The following DPP10 variants were observed in gnomAD, a reference collection of about 807,000 sequenced individuals.
DPP10 encodes dipeptidyl peptidase like 10.
A neutral mutation model predicts 120.9 loss-of-function variants in DPP10; 33 were observed. The ratio of observed to expected loss-of-function variants is 0.27; its 90% confidence interval spans 0.21 to 0.37. DPP10 has a LOEUF of 0.37. Ranked by LOEUF, DPP10 falls within the 10% of genes least tolerant of loss-of-function variation. The pLI is 1.00. For missense variants in DPP10, 816 were observed against 942.8 expected (o/e 0.87, Z 1.76); for synonymous variants, 337 against 326.1 (o/e 1.03, Z -0.36).
intron 4 of DPP10, among the ~76,000 whole-genome samples, chr2:115,524,279 T>C (rs906452618): frequency 2.6e-5 from 4 of 152,146 alleles, no homozygotes; most frequent in African/African-American, 9.7e-5. Flanking sequence ...TGGCTACAAA[T>C]GTGAGGGTTC....
intron 1 of DPP10, among the ~76,000 whole-genome samples, chr2:114,450,657 A>G (rs1213702615): frequency 6.6e-6 from 1 of 152,134 alleles, no homozygotes; most frequent in African/African-American, 2.4e-5. Flanking sequence ...ATTTGAAGGA[A>G]ATAACAAGGT....
chr2:115,165,113 A>T (rs1314848333), intron 1 of DPP10, among the ~76,000 whole-genome samples: 2 of 152,218 alleles, frequency 1.3e-5, no homozygotes, highest in Non-Finnish European at 1.5e-5. Context: ...CTAGTGGCTA[A>T]TTGTAATTTA....
chr2:114,601,848 G>A (rs1402040919), intron 1 of DPP10, among the ~76,000 whole-genome samples: 1 of 151,926 alleles, frequency 6.6e-6, no homozygotes, highest in Non-Finnish European at 1.5e-5. Context: ...TGCCACTAAT[G>A]CAGACCTTAA....
chr2:115,241,562 T>G (rs1037858858), intron 1 of DPP10, among the ~76,000 whole-genome samples: 2 of 152,142 alleles, frequency 1.3e-5, no homozygotes, highest in African/African-American at 4.8e-5. Context: ...AGCATATTGC[T>G]CTCTCTCTCC....
At chr2:114,877,219 A>G (rs1427539826) in intron 1 of DPP10, among the ~76,000 whole-genome samples, 1 of 152,072 alleles carries the variant, frequency 6.6e-6, no homozygotes, top group African/African-American at 2.4e-5. Flanking sequence ...TGATGTGTGC[A>G]TATTCTAAAT....
chr2:114,838,697 G>A (rs1477004184), intron 1 of DPP10, among the ~76,000 whole-genome samples: 1 of 152,160 alleles, frequency 6.6e-6, no homozygotes, highest in Non-Finnish European at 1.5e-5. Flanking sequence ...AATATGCCCT[G>A]TGTTAGTCCA....
chr2:114,896,103 T>C (rs1692950877), intron 1 of DPP10, among the ~76,000 whole-genome samples: 1 of 152,234 alleles, frequency 6.6e-6, no homozygotes. Context: ...ATCTCTGTTT[T>C]GGTAACAGTA....
intron 1 of DPP10, among the ~76,000 whole-genome samples, chr2:114,561,571 T>C (rs890048999): frequency 2.0e-5 from 3 of 152,160 alleles, no homozygotes; most frequent in African/African-American, 2.4e-5. Flanking sequence ...CTTCTCTCAC[T>C]ATTAGAAAGA....
At chr2:115,738,468 T>C (rs1447488747) in intron 8 of DPP10, among the ~76,000 whole-genome samples, 1 of 152,174 alleles carries the variant, frequency 6.6e-6, no homozygotes, top group Non-Finnish European at 1.5e-5. Context: ...CTAGAGATGC[T>C]GTGTGGAGCC....
At chr2:115,308,833 G>A (rs1574373244) in intron 1 of DPP10, among the ~76,000 whole-genome samples, 1 of 151,848 alleles carries the variant, frequency 6.6e-6, no homozygotes, top group East Asian at 1.9e-4. Flanking sequence ...CATCCAGTTA[G>A]AAAGTAGCCC....
intron 1 of DPP10, among the ~76,000 whole-genome samples, chr2:114,970,820 A>T (rs1426892986): frequency 1.3e-5 from 2 of 152,156 alleles, no homozygotes; most frequent in Non-Finnish European, 2.9e-5. Flanking sequence ...GTGATTCAAC[A>T]CTTTAAGACA....
At chr2:115,813,822 G>A (rs926315027) in intron 19 of DPP10, among the ~76,000 whole-genome samples, 3 of 152,164 alleles carry the variant, frequency 2.0e-5, no homozygotes, top group Non-Finnish European at 4.4e-5. Context: ...AGGAAGGCGG[G>A]AGAGTTTGGT....
chr2:114,639,518 G>A (rs1695548411), intron 1 of DPP10, among the ~76,000 whole-genome samples: 1 of 151,676 alleles, frequency 6.6e-6, no homozygotes, highest in East Asian at 1.9e-4. Flanking sequence ...AGAGGGAGGG[G>A]GACATGGGTT....
At chr2:115,228,177 G>T (rs1284887466) in intron 1 of DPP10, among the ~76,000 whole-genome samples, 5 of 151,956 alleles carry the variant, frequency 3.3e-5, no homozygotes. Flanking sequence ...AAACTACTGG[G>T]CTCAAGTGGT....
intron 3 of DPP10, among the ~76,000 whole-genome samples, chr2:115,400,056 C>T (rs1044129429): frequency 1.3e-5 from 2 of 152,022 alleles, no homozygotes; most frequent in African/African-American, 4.8e-5. Flanking sequence ...GGGAGGGGTG[C>T]TACACACTTT....
chr2:115,360,169 A>C (rs929878240), intron 3 of DPP10, among the ~76,000 whole-genome samples: 1 of 152,190 alleles, frequency 6.6e-6, no homozygotes, highest in Non-Finnish European at 1.5e-5. Context: ...TGAGGTGAGG[A>C]GATACTCTGA....
At position 115,843,373 on chromosome 2, in the gene DPP10, T is replaced by G. The variant is rs139939077; in HGVS notation, c.*1028T>G. 6 of 152,764 alleles carry G rather than the reference T, an allele frequency of 3.9e-5. 1 individual carries two copies. In the East Asian group the frequency reaches 1.2e-3, roughly 29 times the overall value. 9.5% of individuals were successfully genotyped at this position (152,764 alleles called of 1,614,324 possible). ...TTTTGCTCTTTTGGTGGAGAAGGCT[T>G]TTTTCAAAACTCTTGGTCCTTTTAC... On this transcript the variant is annotated 3_prime_UTR_variant, in exon 26 of 26. Coordinates refer to ENST00000410059, the MANE Select transcript of DPP10 (RefSeq NM_020868.6).
chr2:115,254,266 A>G (rs1163049919), intron 1 of DPP10, among the ~76,000 whole-genome samples: 1 of 152,192 alleles, frequency 6.6e-6, no homozygotes, highest in Non-Finnish European at 1.5e-5. Flanking sequence ...AGAGTGCCAA[A>G]GAAAAGAGGG....
intron 1 of DPP10, chr2:115,130,944 A>C (rs574414355): frequency 6.6e-6 from 1 of 152,350 alleles, no homozygotes; most frequent in East Asian, 1.9e-4. Flanking sequence ...CCTTCACTGC[A>C]ATAATGGTCT....
Sources: allele counts gnomAD v4.1 joint callset (sites outside exome capture counted in the v4.1 genomes callset), GRCh38; gene constraint gnomAD v4.1.1; transcripts MANE v1.5; gene names NCBI Gene and HGNC (gene_info 2026-07-23, HGNC 2026-07-21).